Variants in FAM200A observed in about 807,000 individuals in gnomAD.
FAM200A encodes protein FAM200A.
A neutral mutation model predicts 44.2 loss-of-function variants in FAM200A; 26 were observed. The ratio of observed to expected loss-of-function variants is 0.59; its 90% CI spans 0.43 to 0.82. The LOEUF is 0.82. Among genes scored for constraint, FAM200A ranks in the 40% least tolerant of loss-of-function variants. The probability of loss-of-function intolerance (pLI) is 0.00; values close to 1 mark genes in which losing one functional copy is unlikely to be tolerated. For synonymous variants in FAM200A, 206 were observed against 244.4 expected (o/e 0.84, Z 1.47); for missense variants, 606 against 669.5 (o/e 0.91, Z 1.05).
rs1225107041 is a variant in FAM200A, at chr7:99,552,089, C to A, written c.-335G>T. ...CTAGACTCACATCCAAGCCCCCTGG[C>A]CTTCAGAGCCCAGGGAAAGCGTCAC... On this transcript the variant is annotated 5_prime_UTR_variant, in exon 1 of 2. Transcript: ENST00000449309. The A allele has an allele frequency of 1.0e-6, 1 of 985,376 alleles. No homozygotes were observed. Among genetic ancestry groups the A allele is most frequent in the Non-Finnish European group, 1.2e-6 (1 of 829,956 alleles). The allele number at this position is 985,376 out of a possible 1,614,324, so 61.0% of individuals were successfully genotyped here.
chr7:99,550,845 C>T (rs554055272), intron 1 of FAM200A, among the ~76,000 whole-genome samples: 10 of 152,224 alleles, frequency 6.6e-5, no homozygotes, highest in African/African-American at 1.9e-4. Context: ...GAGGCCGAGG[C>T]GGGCGGATCA....
rs1223915431 is a variant in FAM200A at position 99,546,770 on chromosome 7, A to G, written c.1638T>C (p.Ser546=). 1 of 1,551,342 alleles carries G rather than the reference A, an allele frequency of 6.4e-7. No individual in the cohort carries two copies. Residue 546 remains serine (S), a synonymous_variant, in exon 2 of 2, where the codon AGT becomes AGC. Coordinates refer to ENST00000449309, the MANE Select transcript of FAM200A (RefSeq NM_145111.4). ...LKTKKRNRLN[S]APDMRVALSS... ...ATAATGCTACCCGCATATCTGGTGC[A>G]CTATTGAGCCTATTTCTCTTCTTTG...
chr7:99,549,077 A>C (rs891219866), intron 1 of FAM200A, among the ~76,000 whole-genome samples: 2 of 7,482 alleles, frequency 2.7e-4, no homozygotes, highest in Admixed American at 1.5e-3. Context: ...AAAAAAAAAA[A>C]ACAAAAAACA....
upstream of FAM200A, among the ~76,000 whole-genome samples, chr7:99,553,011 A>C (rs1802575026): frequency 7.2e-6 from 1 of 138,882 alleles, no homozygotes; most frequent in African/African-American, 2.8e-5. Context: ...ACACACATAT[A>C]TATACACATA....
chr7:99,550,384 C>T (rs1802502573), intron 1 of FAM200A, among the ~76,000 whole-genome samples: 1 of 152,184 alleles, frequency 6.6e-6, no homozygotes, highest in African/African-American at 2.4e-5. Context: ...GCTGGGATTA[C>T]AAGCCTGAGC....
upstream of FAM200A, among the ~76,000 whole-genome samples, chr7:99,552,575 C>G (rs1047478024): frequency 6.6e-6 from 1 of 152,154 alleles, no homozygotes; most frequent in African/African-American, 2.4e-5. Context: ...TTATAAAATT[C>G]TGAGTTTGCC....
At position 99,548,457 on chromosome 7, in the gene FAM200A, G is replaced by A; in HGVS notation, c.-50C>T. The A allele has an allele frequency of 6.3e-7, 1 of 1,578,336 alleles. No individual in the cohort carries two copies. The highest frequency in any genetic ancestry group is 1.2e-5 in the South Asian group (1 of 83,804). On this transcript the variant is annotated 5_prime_UTR_variant, in exon 2 of 2. The change creates a premature stop within an existing upstream ORF in the 5' untranslated region. Coordinates refer to ENST00000449309, the MANE Select transcript of FAM200A (RefSeq NM_145111.4). ...ACTTGATCCAAATAGGGTCTGTTTT[G>A]CAGGGCTGTCCTTTGTGACCTAGGT...
At chr7:99,550,846 G>C (rs1365343094) in intron 1 of FAM200A, among the ~76,000 whole-genome samples, 1 of 152,124 alleles carries the variant, frequency 6.6e-6, no homozygotes, top group Non-Finnish European at 1.5e-5. Flanking sequence ...AGGCCGAGGC[G>C]GGCGGATCAC....
At chr7:99,553,089 ATATATATATATT>A (rs1562927167), upstream of FAM200A, among the ~76,000 whole-genome samples, 20 of 100,284 alleles carry the variant, frequency 2.0e-4, no homozygotes, top group East Asian at 1.3e-3. Flanking sequence ...ATATATATAT[ATATATATATATT>A]TTTTTTTTTT....
At position 99,547,759 on chromosome 7, in the gene FAM200A, T is replaced by G. The variant is rs185068510; in HGVS notation, c.649A>C (p.Met217Leu). 6.4e-7 allele frequency: 1 copy of G among 1,551,708 alleles called. No homozygotes were observed. ...KGISSDGTAN[M>L]TGKHSRLTEK... The stretch of plus-strand genomic sequence containing the variant: ...GTAAGTCTGCTGTGTTTTCCGGTCA[T>G]ATTTGCTGTTCCATCACTTGAAATT... Residue 217 changes from methionine (M) to leucine (L), a missense_variant, in exon 2 of 2, where the codon ATG becomes CTG. Coordinates refer to ENST00000449309, the MANE Select transcript of FAM200A (RefSeq NM_145111.4).
chr7:99,551,719 G>T, intron 1 of FAM200A, 135 bp downstream of exon 1: 1 of 676,528 alleles, frequency 1.5e-6, no homozygotes, highest in Non-Finnish European at 1.8e-6. Flanking sequence ...ACAGATATCT[G>T]ACTGGGGTCA....
At chr7:99,558,329 A>T (rs1332222015) in exon 1 of FAM200A, 1 of 151,854 alleles carries the variant, frequency 6.6e-6, no homozygotes, top group Non-Finnish European at 1.5e-5. Flanking sequence ...CCTTGCAGGG[A>T]GTCTCAAGGA....
Position 99,547,365 on chromosome 7 carries a change from C to G in FAM200A, c.1043G>C (p.Ser348Thr). ...DIWVTKLAYL[S>T]DIFGILNELS... ...TTCATTAAGAATGCCAAAAATATCA[C>G]TTAAATATGCCAATTTTGTTACCCA... The change falls in exon 2 of 2, where the codon AGT (serine) becomes ACT (threonine). Residue 348 changes from serine (S) to threonine (T), a missense_variant. Physicochemically the swap from Ser to Thr is moderately conservative, Grantham distance 58 (BLOSUM62 1). Coordinates refer to ENST00000449309, the MANE Select transcript of FAM200A (RefSeq NM_145111.4). 8 of 1,549,606 alleles carry G rather than the reference C, an allele frequency of 5.2e-6. No individual in the cohort carries two copies. Among genetic ancestry groups the G allele is most frequent in the Non-Finnish European group, 7.0e-6 (8 of 1,146,270 alleles).
intron 1 of FAM200A, among the ~76,000 whole-genome samples, chr7:99,548,808 T>G (rs1403614624): frequency 6.7e-6 from 1 of 148,284 alleles, no homozygotes; most frequent in East Asian, 2.1e-4. Context: ...AGCACTCAAA[T>G]CCAAGTCTGA....
rs1038372176 is a variant in FAM200A, at chr7:99,548,580, C to T, written c.-99-74G>A. The T allele has an allele frequency of 4.9e-6, 6 of 1,224,860 alleles. No individual in the cohort carries two copies. In the African/African-American group the frequency reaches 7.7e-5, roughly 16 times the overall value. The allele number at this position is 1,224,860 out of a possible 1,614,324, so 75.9% of individuals were successfully genotyped here. On this transcript the variant is annotated intron_variant, in intron 1 of 1. Transcript: ENST00000449309. ...TGCTGGGCTAACAACTCATACAAAA[C>T]AATTCACTAAATCTAGTGGTGTGAC...
chr7:99,553,097 A>ATTTTTT (rs1433320975), upstream of FAM200A, among the ~76,000 whole-genome samples: 1 of 78,190 alleles, frequency 1.3e-5, no homozygotes, highest in Admixed American at 1.4e-4. Context: ...ATATATATAT[A>ATTTTTT]TATTTTTTTT....
Position 99,547,954 on chromosome 7 carries a change from T to G in FAM200A, c.454A>C (p.Ser152Arg). ...IQLDESTDIA[S>R]CPTLLVYVRY... ...ACATAAACCAAGAGTGTGGGACAAC[T>G]TGCAATATCAGTGCTCTCATCGAGT... is the stretch of plus-strand genomic sequence containing the variant. Residue 152 changes from serine to arginine, a missense_variant, in exon 2 of 2, where the codon AGT becomes CGT. Transcript: ENST00000449309. 2 of 1,551,338 alleles carry G rather than the reference T, an allele frequency of 1.3e-6. No individual in the cohort carries two copies. The highest frequency in any genetic ancestry group is 1.7e-6 in the Non-Finnish European group (2 of 1,147,002).
Position 99,547,272 on chromosome 7 carries a change from T to C in FAM200A, c.1136A>G (p.Gln379Arg). ...TGCTTGCCACAATAATAACGTCTTT[T>C]GGAATCCTAGAATATGTTCAAGATA... ...FQYLEHILGF[Q>R]KTLLLWQARL... The change falls in exon 2 of 2, where the codon CAA becomes CGA. Residue 379 changes from glutamine (Q) to arginine (R), a missense_variant. Gln to Arg is a conservative substitution (Grantham distance 43). Transcript: ENST00000449309. 6.4e-7 allele frequency: 1 copy of C among 1,551,324 alleles called. No individual in the cohort carries two copies. Among genetic ancestry groups the C allele is most frequent in the Non-Finnish European group, 8.7e-7 (1 of 1,146,834 alleles).
chr7:99,547,327 T>C lies in FAM200A; in HGVS notation c.1081A>G (p.Met361Val), dbSNP rs777654166. ...AATATATCATTGTTTTTCCCCTGCA[T>C]TTTCAGGCTTAATTCATTAAGAATG... is the stretch of plus-strand genomic sequence containing the variant. ...FGILNELSLK[M>V]QGKNNDIFQY... The change falls in exon 2 of 2, where the codon ATG becomes GTG. Residue 361 changes from methionine to valine, a missense_variant. By Grantham distance (21) the Met-to-Val change is conservative. Transcript: ENST00000449309. 5.2e-6 allele frequency: 8 copies of C among 1,550,276 alleles called. No homozygotes were observed. In the South Asian group the frequency reaches 9.6e-5, roughly 19 times the overall value.
Sources: gnomAD v4.1 joint callset for allele counts (sites outside exome capture counted in the v4.1 genomes callset) on GRCh38, gnomAD v4.1.1 for gene constraint, MANE v1.5 for transcripts, NCBI Gene and HGNC (gene_info 2026-07-23, HGNC 2026-07-21) for gene names.